The following NBAS variants were observed in gnomAD, a reference collection of about 807,000 sequenced individuals.
The protein encoded by NBAS is NAG/BC035112 fusion.
NBAS carries 219 observed loss-of-function variants against 302.5 expected under a neutral mutation model. The observed-to-expected ratio is 0.72, with a 90% CI of 0.65 to 0.81. The LOEUF (loss-of-function observed/expected upper bound fraction) is 0.81, where lower values mean the gene tolerates loss of function less well. NBAS is among the 30% of genes least tolerant of loss of function. NBAS has a pLI of 0.00. For missense variants in NBAS, 2,932 were observed against 2,841.6 expected, an observed-to-expected ratio of 1.03 and a Z score of -0.72; for synonymous variants, 1,118 against 1,021.6, an observed-to-expected ratio of 1.09 and a Z score of -1.80.
At chr2:15,370,372 C>T (rs150704377) in intron 31 of NBAS, among the ~76,000 whole-genome samples, 260 of 152,298 alleles carry the variant, frequency 1.7e-3, no homozygotes, top group African/African-American at 6.0e-3. Context: ...CAACTCACTG[C>T]AGACTCAACC....
At chr2:15,084,716 G>A in the NBAS span, among the ~76,000 whole-genome samples, 1,438 of 151,030 alleles carry the variant, frequency 9.5e-3, 30 homozygotes, top group African/African-American at 0.033. Flanking sequence ...AGGAATTCAC[G>A]CTTGCCACTC....
At chr2:15,038,152 G>A in the NBAS span, among the ~76,000 whole-genome samples, 147 of 124,266 alleles carry the variant, frequency 1.2e-3, no homozygotes, top group Non-Finnish European at 1.5e-3. Flanking sequence ...TTGCTCTGCC[G>A]CCCAAGCTGG....
At chr2:14,796,245 A>G in the NBAS span, among the ~76,000 whole-genome samples, 2 of 152,208 alleles carry the variant, frequency 1.3e-5, no homozygotes, top group Non-Finnish European at 2.9e-5. Context: ...TTAGTGAAGC[A>G]TTATAGTGAT....
chr2:15,104,000 T>C, the NBAS span, among the ~76,000 whole-genome samples: 1 of 152,136 alleles, frequency 6.6e-6, no homozygotes, highest in Non-Finnish European at 1.5e-5. Context: ...AGAGGTGATA[T>C]GGTTTGGCTG....
intron 44 of NBAS, among the ~76,000 whole-genome samples, chr2:15,272,612 G>A (rs1429993237): frequency 6.6e-6 from 1 of 152,216 alleles, no homozygotes; most frequent in Non-Finnish European, 1.5e-5. Flanking sequence ...GACTAAAGAT[G>A]TAAATTTTAA....
At chr2:15,066,512 C>A in the NBAS span, among the ~76,000 whole-genome samples, 1 of 151,968 alleles carries the variant, frequency 6.6e-6, no homozygotes, top group African/African-American at 2.4e-5. Context: ...GACGCAAGAG[C>A]AAGAAAACAA....
At chr2:15,085,076 A>G in the NBAS span, among the ~76,000 whole-genome samples, 1 of 152,154 alleles carries the variant, frequency 6.6e-6, no homozygotes, top group Non-Finnish European at 1.5e-5. Context: ...GGGCCGGGCC[A>G]AGTAGCCCGT....
Position 15,218,948 on chromosome 2 carries a change from T to A in NBAS, c.6257A>T (p.Glu2086Val). ...VDKGEELVSP[E>V]DLLEWLRPFC... ...AGGCCGCAGCCACTCCAGCAGGTCC[T>A]CAGGTGAAACCAGCTCCTCACTGCA... The change falls in exon 48 of 52, where the codon GAG becomes GTG. Residue 2086 changes from glutamate to valine, a missense_variant. Glu to Val is a moderately radical substitution (Grantham distance 121). Coordinates refer to ENST00000281513, the MANE Select transcript of NBAS (RefSeq NM_015909.4). 1 of 1,614,268 alleles carries A rather than the reference T, an allele frequency of 6.2e-7. No individual in the cohort carries two copies. Among genetic ancestry groups the A allele is most frequent in the Non-Finnish European group, 8.5e-7 (1 of 1,180,044 alleles).
chr2:15,024,526 C>A, the NBAS span, among the ~76,000 whole-genome samples: 1 of 152,014 alleles, frequency 6.6e-6, no homozygotes. Flanking sequence ...GTTTTTAGTT[C>A]TTTGAGGAAT....
intron 43 of NBAS, among the ~76,000 whole-genome samples, 186 bp downstream of exon 43, chr2:15,276,665 C>T (rs1170543422): frequency 6.6e-6 from 1 of 152,178 alleles, no homozygotes; most frequent in Non-Finnish European, 1.5e-5. Flanking sequence ...CTTACTTTTT[C>T]TGGTATTTAA....
intron 51 of NBAS, among the ~76,000 whole-genome samples, chr2:15,175,329 G>C (rs1664484941): frequency 2.0e-5 from 3 of 152,128 alleles, no homozygotes; most frequent in African/African-American, 7.2e-5. Context: ...GACAACCCCT[G>C]GGATGAGGGG....
At chr2:14,902,983 G>C in the NBAS span, among the ~76,000 whole-genome samples, 1 of 151,832 alleles carries the variant, frequency 6.6e-6, no homozygotes, top group Non-Finnish European at 1.5e-5. Flanking sequence ...AAAGAAGAGA[G>C]ACAGCAAAGG....
chr2:15,424,066 C>G (rs1057194347), intron 23 of NBAS, among the ~76,000 whole-genome samples: 4 of 152,196 alleles, frequency 2.6e-5, no homozygotes, highest in African/African-American at 9.7e-5. Flanking sequence ...AAACAAGGGA[C>G]AGTATGTACC....
chr2:15,219,676 G>T (rs1268045936), intron 47 of NBAS, among the ~76,000 whole-genome samples: 3 of 138,430 alleles, frequency 2.2e-5, no homozygotes, highest in Non-Finnish European at 4.6e-5. Context: ...CAAGGCAGAA[G>T]AATTTTTCTT....
At chr2:15,186,170 G>A (rs1665075480) in intron 50 of NBAS, among the ~76,000 whole-genome samples, 1 of 150,322 alleles carries the variant, frequency 6.7e-6, no homozygotes, top group Admixed American at 6.7e-5. Flanking sequence ...CTGTGTGTGT[G>A]TATATATATG....
chr2:15,545,922 T>C (rs773342919), intron 6 of NBAS, among the ~76,000 whole-genome samples: 55 of 152,226 alleles, frequency 3.6e-4, no homozygotes, highest in Non-Finnish European at 8.8e-5. Context: ...TGCCTGATGA[T>C]GATTTTCCCT....
At chr2:14,863,604 A>T in the NBAS span, among the ~76,000 whole-genome samples, 1 of 152,200 alleles carries the variant, frequency 6.6e-6, no homozygotes, top group Non-Finnish European at 1.5e-5. Context: ...GCTGCTCCAG[A>T]CTTCTTGGTT....
the NBAS span, among the ~76,000 whole-genome samples, chr2:15,125,664 C>A: frequency 6.6e-6 from 1 of 152,188 alleles, no homozygotes; most frequent in African/African-American, 2.4e-5. Context: ...TTAATGACTA[C>A]CCTGTTACGT....
chr2:14,995,680 G>C, the NBAS span, among the ~76,000 whole-genome samples: 2 of 152,180 alleles, frequency 1.3e-5, no homozygotes, highest in East Asian at 3.9e-4. Flanking sequence ...AACATCTGCT[G>C]TTCTTCAGTT....
Sources: allele counts gnomAD v4.1 joint callset (sites outside exome capture counted in the v4.1 genomes callset), GRCh38; gene constraint gnomAD v4.1.1; transcripts MANE v1.5; gene names NCBI Gene and HGNC (gene_info 2026-07-23, HGNC 2026-07-21).